UGT2B15: variants seen among roughly 807,000 people sequenced by gnomAD.
UGT2B15 encodes the protein UDP-glucuronosyltransferase 2B15.
In UGT2B15, 36 loss-of-function variants were observed where a neutral mutation model predicts 45.9. The observed-to-expected ratio is 0.78, with a 90% CI of 0.60 to 1.04. The LOEUF is 1.04. Ranked by LOEUF, UGT2B15 falls within the 50% of genes least tolerant of loss-of-function variation. The probability of loss-of-function intolerance (pLI) is 0.00; values close to 1 mark genes in which losing one functional copy is unlikely to be tolerated. For synonymous variants in UGT2B15, 219 were observed against 216.4 expected, an observed-to-expected ratio of 1.01 and a Z score of -0.11; for missense variants, 617 against 622.4, an observed-to-expected ratio of 0.99 and a Z score of 0.09.
Position 68,647,319 on chromosome 4 carries a change from G to T in UGT2B15, c.1378C>A (p.Arg460=), listed in dbSNP as rs141755404. 1 of 1,613,696 alleles carries T rather than the reference G, an allele frequency of 6.2e-7. No individual in the cohort carries two copies. The highest frequency in any genetic ancestry group is 8.5e-7 in the Non-Finnish European group (1 of 1,179,820). The stretch of plus-strand genomic sequence containing the variant: ...ACAAACTCAATCCAGAAGACTGCTC[G>T]ATCCAGGGGCTTCATTGGTTGGTCA... The part of the protein sequence containing the change: ...HHDQPMKPLD[R]AVFWIEFVMR... Residue 460 remains arginine, a synonymous_variant, in exon 6 of 6, where the codon CGA becomes AGA. Transcript: ENST00000338206.
intron 3 of UGT2B15, 94 bp from the exon 4 acceptor site, chr4:68,655,276 T>C: frequency 1.4e-6 from 2 of 1,436,326 alleles, no homozygotes; most frequent in Non-Finnish European, 1.9e-6. Flanking sequence ...AGTTAGTTAA[T>C]CCATATAAAA....
At chr4:68,659,771 T>C (rs1314883489) in intron 3 of UGT2B15, among the ~76,000 whole-genome samples, 1 of 151,924 alleles carries the variant, frequency 6.6e-6, no homozygotes, top group Non-Finnish European at 1.5e-5. Flanking sequence ...ATTTTGGAGA[T>C]TGTGACATTA....
Position 68,646,925 on chromosome 4 carries a change from A to T in UGT2B15, c.*179T>A. 1 of 767,278 alleles carries T rather than the reference A, an allele frequency of 1.3e-6. No individual in the cohort carries two copies. The highest frequency in any genetic ancestry group is 1.8e-6 in the Non-Finnish European group (1 of 541,700). The allele number at this position is 767,278 out of a possible 1,614,324, so 47.5% of individuals were successfully genotyped here. On this transcript the variant is annotated 3_prime_UTR_variant, in exon 6 of 6. Transcript: ENST00000338206. ...TTCATAGCTTAAAAATCATTGACAT[A>T]GAATAATTCAGCTAAAGTACGTATT...
intron 3 of UGT2B15, among the ~76,000 whole-genome samples, chr4:68,655,806 G>A (rs1391349032): frequency 1.3e-5 from 2 of 152,026 alleles, no homozygotes; most frequent in Non-Finnish European, 2.9e-5. Flanking sequence ...CATGTCATCA[G>A]GACCTCCTGA....
At chr4:68,664,484 C>T (rs2109833213) in intron 2 of UGT2B15, among the ~76,000 whole-genome samples, 1 of 151,456 alleles carries the variant, frequency 6.6e-6, no homozygotes, top group East Asian at 1.9e-4. Context: ...AAACTGTTTA[C>T]AAATAAAAAA....
intron 4 of UGT2B15, 127 bp downstream of exon 4, chr4:68,654,968 T>C: frequency 8.6e-7 from 1 of 1,159,018 alleles, no homozygotes; most frequent in Non-Finnish European, 1.3e-6. Flanking sequence ...AAATATAAAG[T>C]AGTTAAATTT....
At chr4:68,661,530 T>G (rs1189559317) in intron 3 of UGT2B15, among the ~76,000 whole-genome samples, 1 of 151,984 alleles carries the variant, frequency 6.6e-6, no homozygotes, top group Non-Finnish European at 1.5e-5. Context: ...TAATATAAAT[T>G]TATTAATTTT....
chr4:68,657,348 G>A (rs1243606265), intron 3 of UGT2B15, among the ~76,000 whole-genome samples: 1 of 152,102 alleles, frequency 6.6e-6, no homozygotes, highest in African/African-American at 2.4e-5. Flanking sequence ...AGATCACCCA[G>A]CATTTTGAGC....
chr4:68,647,502 T>G, intron 5 of UGT2B15, 119 bp from the exon 6 acceptor site: 1 of 1,224,366 alleles, frequency 8.2e-7, no homozygotes, highest in South Asian at 2.1e-5. Context: ...TGTCACTGAA[T>G]TGGCATGAAA....
chr4:68,666,244 A>T (rs1383179714), intron 2 of UGT2B15, among the ~76,000 whole-genome samples: 1 of 152,092 alleles, frequency 6.6e-6, no homozygotes, highest in African/African-American at 2.4e-5. Context: ...TGACTGCCCA[A>T]ACTTAAACAT....
At chr4:68,661,188 G>T (rs1263136771) in intron 3 of UGT2B15, among the ~76,000 whole-genome samples, 1 of 151,856 alleles carries the variant, frequency 6.6e-6, no homozygotes, top group Non-Finnish European at 1.5e-5. Context: ...AAGCCTGGGG[G>T]CCCCAAAGTC....
At chr4:68,661,784 T>G (rs1230643796) in intron 3 of UGT2B15, among the ~76,000 whole-genome samples, 1 of 152,134 alleles carries the variant, frequency 6.6e-6, no homozygotes, top group Non-Finnish European at 1.5e-5. Flanking sequence ...TTGCTACTTT[T>G]GTAAATGCTA....
At chr4:68,664,420 C>T (rs1733060095) in intron 2 of UGT2B15, among the ~76,000 whole-genome samples, 1 of 152,084 alleles carries the variant, frequency 6.6e-6, no homozygotes. Context: ...CCAACCCCTT[C>T]TGTCATAACA....
At chr4:68,652,737 G>T (rs1485780895) in intron 5 of UGT2B15, among the ~76,000 whole-genome samples, 1 of 151,086 alleles carries the variant, frequency 6.6e-6, no homozygotes, top group Non-Finnish European at 1.5e-5. Context: ...AAATCTATCT[G>T]TCCATAGTGG....
intron 5 of UGT2B15, among the ~76,000 whole-genome samples, chr4:68,652,504 T>A (rs957301344): frequency 7.2e-5 from 11 of 151,726 alleles, no homozygotes; most frequent in Non-Finnish European, 1.3e-4. Flanking sequence ...GTCTTACTAA[T>A]TTTTTGGTAA....
chr4:68,668,365 T>A (rs1212558891), intron 1 of UGT2B15, among the ~76,000 whole-genome samples, 177 bp from the exon 2 acceptor site: 3 of 152,216 alleles, frequency 2.0e-5, no homozygotes, highest in Non-Finnish European at 4.4e-5. Context: ...AGATTTTATT[T>A]ATTGCATATG....
Position 68,646,889 on chromosome 4 carries a change from C to G in UGT2B15, c.*215G>C, listed in dbSNP as rs1186070511. On this transcript the variant is annotated 3_prime_UTR_variant, in exon 6 of 6. Coordinates refer to ENST00000338206, the MANE Select transcript of UGT2B15 (RefSeq NM_001076.4). Reference sequence around the variant, plus strand: ...ATATCTCCAAATGCTATCCTTCCCCCCATTGTATTTTTCATAGCTTAAAAA... The same window carrying G: ...ATATCTCCAAATGCTATCCTTCCCCGCATTGTATTTTTCATAGCTTAAAAA... The G allele has an allele frequency of 4.2e-6, 3 of 721,196 alleles. No homozygotes were observed. Among genetic ancestry groups the G allele is most frequent in the Non-Finnish European group, 6.5e-6 (3 of 462,364 alleles). 44.7% of individuals were successfully genotyped at this position (721,196 alleles called of 1,614,324 possible).
chr4:68,654,882 AC>A (rs1732758331), intron 4 of UGT2B15, among the ~76,000 whole-genome samples: 1 of 152,108 alleles, frequency 6.6e-6, no homozygotes, highest in South Asian at 2.1e-4. Flanking sequence ...TTTTATTCTG[AC>A]CATAAAGAAT....
rs190173857 is a variant in UGT2B15 at position 68,646,814 on chromosome 4, T to C, written c.*290A>G. The C allele has an allele frequency of 8.7e-6, 3 of 344,214 alleles. No individual in the cohort carries two copies. The highest frequency in any genetic ancestry group is 1.1e-4 in the East Asian group (2 of 18,192). 21.3% of individuals were successfully genotyped at this position (344,214 alleles called of 1,614,324 possible). On this transcript the variant is annotated 3_prime_UTR_variant, in exon 6 of 6. Transcript: ENST00000338206. ...TGCAGGTTAGCTACATATGTATACATGTGCCATGTTGGCGTGCTGCATCCA... is the reference window on the plus strand; with the variant it reads ...TGCAGGTTAGCTACATATGTATACACGTGCCATGTTGGCGTGCTGCATCCA...
Sources: allele counts gnomAD v4.1 joint callset (sites outside exome capture counted in the v4.1 genomes callset), GRCh38; gene constraint gnomAD v4.1.1; transcripts MANE v1.5; gene names NCBI Gene and HGNC (gene_info 2026-07-23, HGNC 2026-07-21).